SBNO2: variants seen among roughly 807,000 people sequenced by gnomAD.
SBNO2 encodes the protein strawberry notch homolog 2.
A neutral mutation model predicts 146.3 loss-of-function variants in SBNO2; 89 were observed. The ratio of observed to expected loss-of-function variants is 0.61; its 90% CI spans 0.51 to 0.73. The LOEUF (loss-of-function observed/expected upper bound fraction) is 0.73, where lower values mean the gene tolerates loss of function less well. SBNO2 is among the 30% of genes least tolerant of loss of function. SBNO2 has a pLI of 0.00. For missense variants in SBNO2, 2,092 were observed against 2,003.7 expected (o/e 1.04, Z -0.84); for synonymous variants, 1,147 against 892.6 (o/e 1.29, Z -5.08).
intron 4 of SBNO2, among the ~76,000 whole-genome samples, chr19:1,134,813 C>T (rs373883526): frequency 3.9e-4 from 60 of 151,924 alleles, no homozygotes; most frequent in East Asian, 1.2e-3. Flanking sequence ...TTTGGGAGGC[C>T]GAGGTGGGTG....
At chr19:1,151,898 A>G (rs535127066) in intron 2 of SBNO2, among the ~76,000 whole-genome samples, 1 of 152,190 alleles carries the variant, frequency 6.6e-6, no homozygotes, top group East Asian at 1.9e-4. Flanking sequence ...CCTGACCCCA[A>G]GCAATGTGCC....
At chr19:1,127,085 C>T (rs919477395) in intron 5 of SBNO2, among the ~76,000 whole-genome samples, 4 of 150,154 alleles carry the variant, frequency 2.7e-5, no homozygotes, top group Non-Finnish European at 4.4e-5. Context: ...TCCCCACTAG[C>T]GGGGACACGG....
intron 4 of SBNO2, among the ~76,000 whole-genome samples, chr19:1,131,039 C>T (rs2080022425): frequency 1.3e-5 from 2 of 152,148 alleles, no homozygotes; most frequent in African/African-American, 4.8e-5. Context: ...CAGAGCCAGG[C>T]CAGCTCCCCC....
intron 17 of SBNO2, chr19:1,115,807 G>A (rs992056076): frequency 2.2e-5 from 13 of 599,710 alleles, no homozygotes; most frequent in Non-Finnish European, 3.9e-5. Context: ...TGTCCTTCAG[G>A]CTGTCTGTTG....
At chr19:1,114,662 G>C (rs1313166729) in intron 17 of SBNO2, among the ~76,000 whole-genome samples, 5 of 152,074 alleles carry the variant, frequency 3.3e-5, no homozygotes, top group Non-Finnish European at 7.4e-5. Flanking sequence ...ATTTTCTTTT[G>C]AGACGGAGTC....
rs976320277 is a variant in SBNO2 at position 1,115,791 on chromosome 19, C to A, written c.1885+230G>T. The A allele has an allele frequency of 2.1e-4, 127 of 591,216 alleles. No homozygotes were observed. In the African/African-American group the frequency reaches 2.2e-3, roughly 10 times the overall value. 36.6% of individuals were successfully genotyped at this position (591,216 alleles called of 1,614,324 possible). On this transcript the variant is annotated intron_variant, in intron 17 of 31. Transcript: ENST00000361757. ...CCCCCCGGGTCTCGCTCGGCACCCA[C>A]GTCTGTGTCCTTCAGGCTGTCTGTT...
At chr19:1,132,014 GGCC>G (rs1019928135) in intron 4 of SBNO2, 98 of 1,175,806 alleles carry the variant, frequency 8.3e-5, no homozygotes, top group Non-Finnish European at 1.1e-4. Context: ...CAGGGGGCCC[GGCC>G]GTCCTGAATG....
At position 1,157,134 on chromosome 19, in the gene SBNO2, C is replaced by T. The variant is rs2080298058; in HGVS notation, c.-126-2732G>A. Among the ~76,000 whole-genome samples, 1 of 152,080 alleles carries T rather than the reference C, an allele frequency of 6.6e-6. No individual in the cohort carries two copies. Among genetic ancestry groups the T allele is most frequent in the Non-Finnish European group, 1.5e-5 (1 of 67,978 alleles). On this transcript the variant is annotated intron_variant, in intron 1 of 31. Coordinates refer to ENST00000361757, the MANE Select transcript of SBNO2 (RefSeq NM_014963.3). The surrounding 1 kb of genome is among the most constrained non-coding windows in gnomAD (Gnocchi z 6.8). Reference sequence around the variant, plus strand: ...CTCGGTCCTGTCCGAGGGCCCACGCCCCCAAGGGCTGGCTCCCACCCCATG... The same window carrying T: ...CTCGGTCCTGTCCGAGGGCCCACGCTCCCAAGGGCTGGCTCCCACCCCATG...
intron 1 of SBNO2, among the ~76,000 whole-genome samples, chr19:1,170,952 T>C (rs1401249448): frequency 6.7e-6 from 1 of 149,998 alleles, no homozygotes; most frequent in South Asian, 2.1e-4. Flanking sequence ...ACACACAAAA[T>C]ACACACAACC....
intron 2 of SBNO2, among the ~76,000 whole-genome samples, chr19:1,149,768 G>C (rs1288027157): frequency 1.3e-5 from 2 of 152,204 alleles, no homozygotes; most frequent in Non-Finnish European, 2.9e-5. Flanking sequence ...ACAAGACCTG[G>C]GGGTGCCGCT....
Position 1,109,235 on chromosome 19 carries a change from C to T in SBNO2, c.3349-24G>A. On this transcript the variant is annotated intron_variant, in intron 29 of 31. Transcript: ENST00000361757. The surrounding 1 kb of genome is among the most constrained non-coding windows in gnomAD (Gnocchi z 4.2). ...ACCTAGGGACACAGGGCCGCATGAG[C>T]CTGGGCGGGGTCAGGGCCGGCAACC... 1 of 1,571,512 alleles carries T rather than the reference C, an allele frequency of 6.4e-7. No individual in the cohort carries two copies. Among genetic ancestry groups the T allele is most frequent in the Non-Finnish European group, 8.6e-7 (1 of 1,159,178 alleles).
At position 1,167,887 on chromosome 19, in the gene SBNO2, C is replaced by T. The variant is rs571069318; in HGVS notation, c.-127+6285G>A. 1.2e-4 allele frequency among the ~76,000 whole-genome samples: 18 copies of T among 152,318 alleles called. No individual in the cohort carries two copies. The East Asian group carries it at 3.1e-3, about 26-fold the overall frequency. Reference sequence around the variant, plus strand: ...TGAGTACGGGAGCAGGCTCCGGGGACACGCTCCCACTCCTTTTAGGGGCCC... The same window carrying T: ...TGAGTACGGGAGCAGGCTCCGGGGATACGCTCCCACTCCTTTTAGGGGCCC... On this transcript the variant is annotated intron_variant, in intron 1 of 31. Coordinates refer to ENST00000361757, the MANE Select transcript of SBNO2 (RefSeq NM_014963.3).
intron 23 of SBNO2, 78 bp from the exon 24 acceptor site, chr19:1,111,692 C>G: frequency 9.1e-7 from 1 of 1,102,922 alleles, no homozygotes; most frequent in Non-Finnish European, 1.3e-6. Flanking sequence ...CCCCAGAACC[C>G]CACCCTCCCC....
At chr19:1,130,567 G>T (rs1599848851) in intron 4 of SBNO2, among the ~76,000 whole-genome samples, 1 of 152,178 alleles carries the variant, frequency 6.6e-6, no homozygotes, top group East Asian at 1.9e-4. Context: ...CAAGGTGAAA[G>T]AATCACTTGA....
chr19:1,113,050 G>T lies in SBNO2; in HGVS notation c.2248-101C>A, dbSNP rs2079786049. ...TCCCTATGTCCTACAGTGGTCATGG[G>T]CTCCCAGCTGTGCACGGGAGGTGGG... is the stretch of plus-strand genomic sequence containing the variant. On this transcript the variant is annotated intron_variant, in intron 19 of 31. Coordinates refer to ENST00000361757, the MANE Select transcript of SBNO2 (RefSeq NM_014963.3). 2.9e-6 allele frequency: 4 copies of T among 1,382,022 alleles called. No individual in the cohort carries two copies. In the Admixed American group the frequency reaches 7.0e-5, roughly 24 times the overall value. The allele number at this position is 1,382,022 out of a possible 1,614,324, so 85.6% of individuals were successfully genotyped here.
chr19:1,153,167 C>T (rs936590580), intron 2 of SBNO2, among the ~76,000 whole-genome samples: 1 of 150,662 alleles, frequency 6.6e-6, no homozygotes, highest in Non-Finnish European at 1.5e-5. Flanking sequence ...AATAACAAAA[C>T]AAAATAAAAT....
chr19:1,119,432 G>T, intron 13 of SBNO2, 84 bp downstream of exon 13: 1 of 1,098,062 alleles, frequency 9.1e-7, no homozygotes, highest in East Asian at 2.6e-5. Flanking sequence ...AGCACACGTG[G>T]CAGTGCCAGG....
rs372665804 is a variant in SBNO2, at chr19:1,109,221, C to T, written c.3349-10G>A. On this transcript the variant is annotated splice_polypyrimidine_tract_variant and intron_variant, in intron 29 of 31. Transcript: ENST00000361757. The surrounding 1 kb of genome is among the most constrained non-coding windows in gnomAD (Gnocchi z 4.2). ...CCTCCTCCGCGGTGACCTAGGGACA[C>T]AGGGCCGCATGAGCCTGGGCGGGGT... 4 of 1,569,622 alleles carry T rather than the reference C, an allele frequency of 2.5e-6. No individual in the cohort carries two copies. The African/African-American group carries it at 4.1e-5, about 16-fold the overall frequency.
rs753652859 is a variant in SBNO2 at position 1,122,520 on chromosome 19, C to T, written c.953G>A (p.Arg318His). Residue 318 changes from arginine to histidine, a missense_variant, in exon 10 of 32, where the codon CGC (arginine) becomes CAC (histidine). Physicochemically the swap from Arg to His is conservative, Grantham distance 29. Transcript: ENST00000361757. ...VSNDLKYDAE[R>H]DLRDIEATGI... ...CGTGGCTTCGATGTCCCGCAGGTCG[C>T]GCTCCGCATCGTACTTGAGGTCGTT... The T allele has an allele frequency of 5.8e-6, 9 of 1,561,464 alleles. No individual in the cohort carries two copies. Among genetic ancestry groups the T allele is most frequent in the Non-Finnish European group, 7.8e-6 (9 of 1,155,436 alleles).
Sources: allele counts gnomAD v4.1 joint callset (sites outside exome capture counted in the v4.1 genomes callset), GRCh38; gene constraint gnomAD v4.1.1; non-coding constraint Gnocchi (gnomAD v3.1); transcripts MANE v1.5; gene names NCBI Gene and HGNC (gene_info 2026-07-23, HGNC 2026-07-21).